The following RASGRF2 variants were observed in gnomAD, a reference collection of about 807,000 sequenced individuals.
The protein encoded by RASGRF2 is ras-specific guanine nucleotide-releasing factor 2.
Under a neutral mutation model 151.0 loss-of-function variants are expected in RASGRF2, and 76 were observed. That is an observed-to-expected ratio of 0.50 (90% CI 0.42 to 0.61). The LOEUF (loss-of-function observed/expected upper bound fraction) is 0.61, where lower values mean the gene tolerates loss of function less well. Ranked by LOEUF, RASGRF2 falls within the 20% of genes least tolerant of loss-of-function variation. RASGRF2 has a pLI of 0.00. For missense variants in RASGRF2, 1,148 were observed against 1,564.6 expected, an observed-to-expected ratio of 0.73 and a Z score of 4.49; for synonymous variants, 504 against 566.5, an observed-to-expected ratio of 0.89 and a Z score of 1.57.
intron 1 of RASGRF2, among the ~76,000 whole-genome samples, chr5:80,969,344 C>T (rs1747830391): frequency 6.6e-6 from 1 of 151,504 alleles, no homozygotes; most frequent in Admixed American, 6.6e-5. Flanking sequence ...CCATGTTGGT[C>T]AGGCTGGTCT....
intron 2 of RASGRF2, among the ~76,000 whole-genome samples, chr5:81,057,149 A>G (rs1051521027): frequency 3.9e-5 from 6 of 152,152 alleles, no homozygotes; most frequent in African/African-American, 1.2e-4. Context: ...TAATATTGTT[A>G]TGTGTGAATT....
At chr5:81,138,047 T>C (rs1285507746) in intron 17 of RASGRF2, among the ~76,000 whole-genome samples, 1 of 113,304 alleles carries the variant, frequency 8.8e-6, no homozygotes, top group African/African-American at 3.7e-5. Context: ...CAATGCCCTT[T>C]TTGTTTCCCT....
chr5:81,026,056 C>T (rs78249660), intron 1 of RASGRF2, among the ~76,000 whole-genome samples: 6 of 39,248 alleles, frequency 1.5e-4, no homozygotes, highest in Admixed American at 2.0e-4. Flanking sequence ...CCATCCTTCC[C>T]TTCTTCTCCT....
chr5:81,047,282 C>T (rs1750866730), intron 2 of RASGRF2, among the ~76,000 whole-genome samples: 2 of 152,082 alleles, frequency 1.3e-5, no homozygotes, highest in Non-Finnish European at 2.9e-5. Context: ...AATGAGTATC[C>T]AGGGGGCTGA....
At chr5:81,047,800 T>G (rs1750885651) in intron 2 of RASGRF2, among the ~76,000 whole-genome samples, 1 of 152,208 alleles carries the variant, frequency 6.6e-6, no homozygotes, top group African/African-American at 2.4e-5. Context: ...TGCAGCCTCT[T>G]GGATCTGTTT....
intron 18 of RASGRF2, among the ~76,000 whole-genome samples, chr5:81,186,909 C>T (rs988673014): frequency 6.6e-6 from 1 of 152,218 alleles, no homozygotes; most frequent in Non-Finnish European, 1.5e-5. Context: ...AACTATTTAG[C>T]TCCTCCAGGC....
intron 17 of RASGRF2, among the ~76,000 whole-genome samples, chr5:81,138,504 C>G (rs938543971): frequency 1.3e-5 from 2 of 152,182 alleles, no homozygotes; most frequent in South Asian, 2.1e-4. Flanking sequence ...CAGTGTTACT[C>G]TTCCCCTCTC....
intron 12 of RASGRF2, among the ~76,000 whole-genome samples, chr5:81,098,284 T>C (rs1170730781): frequency 1.3e-5 from 2 of 152,242 alleles, no homozygotes; most frequent in Non-Finnish European, 2.9e-5. Context: ...AAATTTACTT[T>C]TGAATATATT....
intron 1 of RASGRF2, among the ~76,000 whole-genome samples, chr5:81,011,477 C>T (rs888776535): frequency 5.9e-5 from 9 of 152,204 alleles, no homozygotes; most frequent in East Asian, 5.8e-4. Context: ...CACGGTGGCT[C>T]ATGCCTGTAA....
chr5:81,206,988 G>A, intron 20 of RASGRF2, 83 bp downstream of exon 20: 1 of 1,201,996 alleles, frequency 8.3e-7, no homozygotes. Flanking sequence ...AACCGATCAA[G>A]GAGTGTTGTA....
Position 81,207,318 on chromosome 5 carries a change from G to A in RASGRF2, c.3040G>A (p.Asp1014Asn). The A allele has an allele frequency of 6.2e-7, 1 of 1,614,092 alleles. No homozygotes were observed. Among genetic ancestry groups the A allele is most frequent in the South Asian group, 1.1e-5 (1 of 91,066 alleles). Residue 1014 changes from aspartate (D) to asparagine (N), a missense_variant, in exon 21 of 27, where the codon GAC becomes AAC. By Grantham distance (23) the Asp-to-Asn change is conservative (BLOSUM62 1). Coordinates refer to ENST00000265080, the MANE Select transcript of RASGRF2 (RefSeq NM_006909.3). ...GCTGGCAGAACAGATCACCCTCCTG[G>A]ACCATGTCATTTTCAGAAGCATTCC... is the stretch of plus-strand genomic sequence containing the variant. Reference protein sequence around the residue: ...MELAEQITLLDHVIFRSIPYE... With the variant: ...MELAEQITLLNHVIFRSIPYE...
chr5:80,983,110 CCCTT>C (rs1362396009), intron 1 of RASGRF2, among the ~76,000 whole-genome samples: 1 of 152,202 alleles, frequency 6.6e-6, no homozygotes, highest in Non-Finnish European at 1.5e-5. Context: ...TGTTAATCCT[CCCTT>C]ACTTGATAAC....
chr5:81,024,466 G>C (rs1749945890), intron 1 of RASGRF2, among the ~76,000 whole-genome samples: 1 of 151,570 alleles, frequency 6.6e-6, no homozygotes, highest in South Asian at 2.1e-4. Context: ...CACTATGTTG[G>C]CCAGGCTGGT....
In RASGRF2 at chr5:81,123,669, G is replaced by A. The variant is rs376560547; in HGVS notation, c.2498G>A (p.Arg833Gln). 8.1e-5 allele frequency: 130 copies of A among 1,613,780 alleles called. No individual in the cohort carries two copies. Among genetic ancestry groups the A allele is most frequent in the Non-Finnish European group, 1.0e-4 (119 of 1,179,976 alleles). The change falls in exon 16 of 27, where the codon CGA becomes CAA. Residue 833 changes from arginine to glutamine, a missense_variant. By Grantham distance (43) the Arg-to-Gln change is conservative. This residue lies in a region of RASGRF2 where 646 missense variants were observed against 807.4 expected (regional missense o/e 0.80). Coordinates refer to ENST00000265080, the MANE Select transcript of RASGRF2 (RefSeq NM_006909.3). Reference protein sequence around the residue: ...KAVLESAPADRAGVESSPAAD... With the variant: ...KAVLESAPADQAGVESSPAAD... The stretch of plus-strand genomic sequence containing the variant: ...GTCCTAGAGTCTGCACCAGCGGACC[G>A]AGCAGGAGTGGAAAGCTCCCCTGCA...
intron 17 of RASGRF2, among the ~76,000 whole-genome samples, chr5:81,160,734 G>A (rs944486449): frequency 1.4e-5 from 2 of 141,470 alleles, no homozygotes; most frequent in African/African-American, 5.3e-5. Context: ...AACCAGGTAT[G>A]GTGGCATGTG....
At chr5:81,140,219 C>G (rs926073432) in intron 17 of RASGRF2, among the ~76,000 whole-genome samples, 6 of 152,174 alleles carry the variant, frequency 3.9e-5, no homozygotes, top group Admixed American at 3.9e-4. Flanking sequence ...TCCAAGGATA[C>G]TTCTTTTCAT....
intron 21 of RASGRF2, 60 bp downstream of exon 21, chr5:81,207,409 A>G (rs541823718): frequency 2.9e-5 from 41 of 1,415,926 alleles, no homozygotes; most frequent in Non-Finnish European, 3.8e-5. Context: ...AGAAGTTGAC[A>G]TTATTCCTAA....
At chr5:81,081,663 T>C (rs1394668939) in intron 7 of RASGRF2, among the ~76,000 whole-genome samples, 1 of 152,218 alleles carries the variant, frequency 6.6e-6, no homozygotes, top group Non-Finnish European at 1.5e-5. Flanking sequence ...TGTGGAGCGC[T>C]TTGTCCTCCT....
Position 81,070,484 on chromosome 5 carries a change from T to C in RASGRF2, c.544-8T>C. On this transcript the variant is annotated splice_polypyrimidine_tract_variant and splice_region_variant and intron_variant, in intron 3 of 26. Coordinates refer to ENST00000265080, the MANE Select transcript of RASGRF2 (RefSeq NM_006909.3). The stretch of plus-strand genomic sequence containing the variant: ...CAAATCATGAAATGGACCAACTTTG[T>C]GTTCCAGATTATTGCTCTTAATAAA... 1.3e-6 allele frequency: 2 copies of C among 1,583,230 alleles called. No individual in the cohort carries two copies. Among genetic ancestry groups the C allele is most frequent in the Non-Finnish European group, 1.7e-6 (2 of 1,152,018 alleles).
Sources: allele counts gnomAD v4.1 joint callset (sites outside exome capture counted in the v4.1 genomes callset), GRCh38; gene constraint gnomAD v4.1.1; regional missense constraint gnomAD v4.1.1; transcripts MANE v1.5; gene names NCBI Gene and HGNC (gene_info 2026-07-23, HGNC 2026-07-21).